KCNQ5: variants seen among roughly 807,000 people sequenced by gnomAD.
The protein encoded by KCNQ5 is potassium voltage-gated channel subfamily Q member 5, also known as potassium voltage-gated channel subfamily KQT member 5.
In KCNQ5, 30 loss-of-function variants were observed where a neutral mutation model predicts 98.2. The ratio of observed to expected loss-of-function variants is 0.31; its 90% CI spans 0.23 to 0.41. KCNQ5 has a LOEUF of 0.41. Ranked by LOEUF, KCNQ5 falls within the 10% of genes least tolerant of loss-of-function variation. The pLI, the probability that KCNQ5 is intolerant of heterozygous loss-of-function variation, is 1.00. For missense variants in KCNQ5, 835 were observed against 1,182.5 expected, an observed-to-expected ratio of 0.71 and a Z score of 4.31; for synonymous variants, 458 against 449.4, an observed-to-expected ratio of 1.02 and a Z score of -0.24.
chr6:73,135,376 T>G (rs1294487969), intron 10 of KCNQ5: 1 of 151,064 alleles, frequency 6.6e-6, no homozygotes, highest in Non-Finnish European at 1.5e-5. Context: ...GTAAAGCTCT[T>G]GTAATAAGAA....
intron 11 of KCNQ5, among the ~76,000 whole-genome samples, chr6:73,172,995 A>G (rs1778068226): frequency 6.6e-6 from 1 of 152,226 alleles, no homozygotes; most frequent in East Asian, 1.9e-4. Flanking sequence ...TCTAGAGATG[A>G]CTAAGGACAC....
chr6:72,897,921 C>T (rs1271608018), intron 1 of KCNQ5, among the ~76,000 whole-genome samples: 2 of 152,192 alleles, frequency 1.3e-5, no homozygotes, highest in Non-Finnish European at 2.9e-5. Flanking sequence ...TATCTATTCT[C>T]TCTACACTTC....
At chr6:72,810,186 A>G (rs1775174544) in intron 1 of KCNQ5, among the ~76,000 whole-genome samples, 1 of 152,180 alleles carries the variant, frequency 6.6e-6, no homozygotes, top group Non-Finnish European at 1.5e-5. Context: ...CTCCTTAACA[A>G]TGATGTCATA....
intron 10 of KCNQ5, among the ~76,000 whole-genome samples, chr6:73,140,543 G>A (rs1409059442): frequency 6.6e-6 from 1 of 152,144 alleles, no homozygotes; most frequent in Non-Finnish European, 1.5e-5. Context: ...CAGATTTCTG[G>A]CCTGGGATTC....
At chr6:72,770,707 T>C (rs962687493) in intron 1 of KCNQ5, among the ~76,000 whole-genome samples, 1 of 152,182 alleles carries the variant, frequency 6.6e-6, no homozygotes, top group Non-Finnish European at 1.5e-5. Context: ...TAGTCTGTTA[T>C]TAATACTAAT....
intron 1 of KCNQ5, among the ~76,000 whole-genome samples, chr6:72,747,268 A>G (rs1217351264): frequency 6.6e-6 from 1 of 152,208 alleles, no homozygotes; most frequent in African/African-American, 2.4e-5. Context: ...CTTCAGAATT[A>G]TGTTAGCTAC....
chr6:72,977,565 A>T lies in KCNQ5; in HGVS notation c.399-26343A>T, dbSNP rs115920099. ...TTCCATAGAAAGCAGGGGCCGGAAG[A>T]CCTATGCAGGCTGAATTCCAAATGC... is the stretch of plus-strand genomic sequence containing the variant. On this transcript the variant is annotated intron_variant, in intron 1 of 13. Coordinates refer to ENST00000370398, the MANE Select transcript of KCNQ5 (RefSeq NM_019842.4). 4.3e-3 allele frequency among the ~76,000 whole-genome samples: 656 copies of T among 152,230 alleles called. 5 individuals carry two copies. The highest frequency in any genetic ancestry group is 0.015 in the African/African-American group (628 of 41,538).
At chr6:72,899,014 G>A (rs560400284) in intron 1 of KCNQ5, among the ~76,000 whole-genome samples, 136 of 152,200 alleles carry the variant, frequency 8.9e-4, no homozygotes, top group African/African-American at 3.1e-3. Context: ...CCCAGTTTTT[G>A]ATAGGGTTCT....
At position 72,670,304 on chromosome 6, in the gene KCNQ5, T is replaced by C. The variant is rs116872731; in HGVS notation, c.398+47717T>C. ...AGAAGATGAAAGCCTTCTCTCCAGC[T>C]CTCCTCTTTTCTTTGTGAGCTTTCA... On this transcript the variant is annotated intron_variant, in intron 1 of 13. Coordinates refer to ENST00000370398, the MANE Select transcript of KCNQ5 (RefSeq NM_019842.4). Among the ~76,000 whole-genome samples the C allele has an allele frequency of 5.9e-5, 9 of 152,322 alleles. No individual in the cohort carries two copies. The East Asian group carries it at 1.7e-3, about 29-fold the overall frequency.
chr6:72,959,855 G>A (rs1185122363), intron 1 of KCNQ5, among the ~76,000 whole-genome samples: 1 of 152,192 alleles, frequency 6.6e-6, no homozygotes, highest in Admixed American at 6.5e-5. Context: ...CCAAAGCACA[G>A]AAGTGTGAAA....
intron 2 of KCNQ5, among the ~76,000 whole-genome samples, 177 bp from the exon 3 acceptor site, chr6:73,041,759 G>A (rs550877514): frequency 3.9e-5 from 6 of 152,226 alleles, no homozygotes; most frequent in Admixed American, 1.3e-4. Flanking sequence ...GACAGTATGA[G>A]GTTCAAATGC....
intron 11 of KCNQ5, among the ~76,000 whole-genome samples, chr6:73,172,078 CT>C (rs1389843892): frequency 3.3e-5 from 5 of 152,178 alleles, no homozygotes; most frequent in Admixed American, 1.3e-4. Context: ...GCAGAATTCC[CT>C]TGCTTTTCAG....
intron 1 of KCNQ5, among the ~76,000 whole-genome samples, chr6:72,930,661 C>A (rs541549899): frequency 6.7e-6 from 1 of 150,078 alleles, no homozygotes; most frequent in Non-Finnish European, 1.5e-5. Flanking sequence ...CTTTAATTAA[C>A]CATATGCACT....
intron 1 of KCNQ5, among the ~76,000 whole-genome samples, chr6:72,983,391 A>C (rs1768571897): frequency 6.6e-6 from 1 of 151,580 alleles, no homozygotes; most frequent in African/African-American, 2.4e-5. Context: ...TTTTTCTCTA[A>C]ACTTCTCTTC....
At chr6:72,711,800 GT>G (rs982086612) in intron 1 of KCNQ5, among the ~76,000 whole-genome samples, 1 of 152,184 alleles carries the variant, frequency 6.6e-6, no homozygotes, top group Non-Finnish European at 1.5e-5. Context: ...ACATTTCTGG[GT>G]TTTTCAGATG....
intron 1 of KCNQ5, among the ~76,000 whole-genome samples, chr6:72,968,791 T>C (rs1472662246): frequency 6.6e-6 from 1 of 152,212 alleles, no homozygotes; most frequent in Non-Finnish European, 1.5e-5. Context: ...TGTACAAATA[T>C]AATATCTCGG....
At chr6:72,765,603 T>A (rs888448737) in intron 1 of KCNQ5, among the ~76,000 whole-genome samples, 30 of 152,114 alleles carry the variant, frequency 2.0e-4, no homozygotes, top group South Asian at 1.0e-3. Context: ...GTCTTGAGGA[T>A]CAGTATGGCT....
intron 1 of KCNQ5, among the ~76,000 whole-genome samples, chr6:72,757,359 A>T (rs1457138780): frequency 6.6e-6 from 1 of 152,178 alleles, no homozygotes; most frequent in Admixed American, 6.5e-5. Context: ...AAATGTATAC[A>T]GATGCTCCTC....
At chr6:73,177,527 A>G (rs754826458) in intron 11 of KCNQ5, among the ~76,000 whole-genome samples, 1 of 152,234 alleles carries the variant, frequency 6.6e-6, no homozygotes, top group Non-Finnish European at 1.5e-5. Context: ...GACCATCCCT[A>G]AAATGCAATC....
Sources: gnomAD v4.1 joint callset for allele counts (sites outside exome capture counted in the v4.1 genomes callset) on GRCh38, gnomAD v4.1.1 for gene constraint, MANE v1.5 for transcripts, NCBI Gene and HGNC (gene_info 2026-07-23, HGNC 2026-07-21) for gene names.